Variants in LOXL1 observed in about 807,000 individuals in gnomAD.
LOXL1 encodes the protein lysyl oxidase homolog 1.
Under a neutral mutation model 62.2 loss-of-function variants are expected in LOXL1, and 31 were observed. The observed-to-expected ratio is 0.50, with a 90% CI of 0.37 to 0.67. LOXL1 has a LOEUF of 0.67. LOXL1 is among the 30% of genes least tolerant of loss of function. LOXL1 has a pLI of 0.00. For synonymous variants in LOXL1, 403 were observed against 384.4 expected (o/e 1.05, Z -0.56); for missense variants, 775 against 843.4 (o/e 0.92, Z 1.00).
intron 1 of LOXL1, among the ~76,000 whole-genome samples, chr15:73,932,916 C>T (rs2068645419): frequency 6.6e-6 from 1 of 152,174 alleles, no homozygotes; most frequent in Admixed American, 6.5e-5. Flanking sequence ...TCTGGGCCCT[C>T]CTCCTGCCTC....
At position 73,926,837 on chromosome 15, in the gene LOXL1, C is replaced by T; in HGVS notation, c.54C>T (p.Cys18=). ...TGGGGGCCCTGGTGTGGGGCGCCTGCCTGTGCGTGCTGGTGCACGGGCAGC... is the reference window on the plus strand; with the variant it reads ...TGGGGGCCCTGGTGTGGGGCGCCTGTCTGTGCGTGCTGGTGCACGGGCAGC... ...RQLGALVWGA[C]LCVLVHGQQA... is the part of the protein sequence containing the mutation. The change falls in exon 1 of 7, where the codon TGC becomes TGT. Residue 18 remains cysteine (C), a synonymous_variant. Transcript: ENST00000261921. The T allele has an allele frequency of 6.5e-7, 1 of 1,535,460 alleles. No individual in the cohort carries two copies. The highest frequency in any genetic ancestry group is 8.8e-7 in the Non-Finnish European group (1 of 1,139,578).
At chr15:73,934,799 A>T (rs12594472) in intron 1 of LOXL1, among the ~76,000 whole-genome samples, 12,852 of 152,218 alleles carry the variant, frequency 0.084, 1,008 homozygotes, top group East Asian at 0.24. Context: ...AAAAATAGAG[A>T]TAGGTAAGGA....
intron 1 of LOXL1, among the ~76,000 whole-genome samples, chr15:73,940,929 C>G (rs972468019): frequency 1.3e-5 from 2 of 152,194 alleles, no homozygotes; most frequent in African/African-American, 4.8e-5. Flanking sequence ...CTTTGTGGAG[C>G]CATCTGTGCA....
At chr15:73,932,122 G>A (rs982252547) in intron 1 of LOXL1, among the ~76,000 whole-genome samples, 1 of 152,196 alleles carries the variant, frequency 6.6e-6, no homozygotes, top group African/African-American at 2.4e-5. Context: ...TCAGCCTGCG[G>A]GCAGGGTGGG....
rs755701227 is a variant in LOXL1, at chr15:73,947,057, C to G, written c.1350-10C>G. On this transcript the variant is annotated splice_polypyrimidine_tract_variant and intron_variant, in intron 3 of 6. Coordinates refer to ENST00000261921, the MANE Select transcript of LOXL1 (RefSeq NM_005576.4). ...GCCCTCTTCTTTCTCCTTCTCTCCT[C>G]TGCCCCTAGGCATTACCACAGCATG... 1 of 1,587,290 alleles carries G rather than the reference C, an allele frequency of 6.3e-7. No individual in the cohort carries two copies.
At chr15:73,928,859 G>T in intron 1 of LOXL1, among the ~76,000 whole-genome samples, 2 of 136,580 alleles carry the variant, frequency 1.5e-5, no homozygotes, top group Non-Finnish European at 1.6e-5. Flanking sequence ...CTAAAATTTT[G>T]CACCCCGAGG....
At chr15:73,942,737 G>A (rs2068722933) in intron 1 of LOXL1, 117 bp from the exon 2 acceptor site, 1 of 721,314 alleles carries the variant, frequency 1.4e-6, no homozygotes, top group African/African-American at 1.7e-5. Flanking sequence ...AGGGTTTTGG[G>A]GTATGAGAGG....
rs1338790676 is a variant in LOXL1, at chr15:73,926,828, G to T, written c.45G>T (p.Trp15Cys). ...RGSRQLGALV[W>C]GACLCVLVHG... ...GCCGGCAGCTGGGGGCCCTGGTGTG[G>T]GGCGCCTGCCTGTGCGTGCTGGTGC... Residue 15 changes from tryptophan (W) to cysteine (C), a missense_variant, in exon 1 of 7, where the codon TGG becomes TGT. Coordinates refer to ENST00000261921, the MANE Select transcript of LOXL1 (RefSeq NM_005576.4). The T allele has an allele frequency of 1.3e-6, 2 of 1,523,670 alleles. No individual in the cohort carries two copies. The highest frequency in any genetic ancestry group is 1.8e-6 in the Non-Finnish European group (2 of 1,134,148). The allele number at this position is 1,523,670 out of a possible 1,614,324, so 94.4% of individuals were successfully genotyped here.
intron 4 of LOXL1, 65 bp downstream of exon 4, chr15:73,947,288 G>A (rs937705804): frequency 6.6e-7 from 1 of 1,512,768 alleles, no homozygotes; most frequent in Admixed American, 1.9e-5. Flanking sequence ...AAAGAGCGAG[G>A]CCCGCTGAGG....
In LOXL1 at chr15:73,927,304, C is replaced by T. The variant is rs1240233013; in HGVS notation, c.521C>T (p.Pro174Leu). The change falls in exon 1 of 7, where the codon CCG becomes CTG. Residue 174 changes from proline (P) to leucine (L), a missense_variant. By Grantham distance (98) the Pro-to-Leu change is moderately conservative (BLOSUM62 -3). Transcript: ENST00000261921. ...ACCTACCGCCAGCAGCCCTCCTACC[C>T]GCAGCAGTTCCCCTACCCGCAGGCG... ...ASTYRQQPSYPQQFPYPQAPF... is the reference protein window; with the variant it reads ...ASTYRQQPSYLQQFPYPQAPF... 1.9e-6 allele frequency: 3 copies of T among 1,603,588 alleles called. 1 individual carries two copies. The highest frequency in any genetic ancestry group is 2.2e-5 in the South Asian group (2 of 90,008).
At position 73,947,223 on chromosome 15, in the gene LOXL1, G is replaced by C; in HGVS notation, c.1506G>C (p.Gln502His). Residue 502 changes from glutamine to histidine, a missense_variant and splice_region_variant, in exon 4 of 7, where the codon CAG (glutamine) becomes CAC (histidine). Transcript: ENST00000261921. ...GCTATGCATGCACCTCTCATACCCA[G>C]GTTGGGCTGGAGAGATGGGGTTTGG... Reference protein sequence around the residue: ...LKRYACTSHTQGLSPGCYDTY... With the variant: ...LKRYACTSHTHGLSPGCYDTY... The C allele has an allele frequency of 6.3e-7, 1 of 1,595,948 alleles. No homozygotes were observed. Among genetic ancestry groups the C allele is most frequent in the Non-Finnish European group, 8.6e-7 (1 of 1,165,956 alleles).
intron 5 of LOXL1, among the ~76,000 whole-genome samples, chr15:73,948,766 T>C (rs2068764428): frequency 6.6e-6 from 1 of 152,098 alleles, no homozygotes; most frequent in Admixed American, 6.6e-5. Context: ...ATCCACTCAA[T>C]CAACATGTAG....
chr15:73,946,272 G>A, intron 2 of LOXL1, 145 bp from the exon 3 acceptor site: 1 of 621,330 alleles, frequency 1.6e-6, no homozygotes. Flanking sequence ...ACAGTTCGAG[G>A]AGACAGAGGA....
Position 73,946,473 on chromosome 15 carries a change from CCCAGCGCGTGAAGAA to C in LOXL1, c.1273_1287del (p.Arg425_Gln429del). ...GATGTGCGGGTGCTACTGCGCTTCCCCCAGCGCGTGAAGAACCAGGGCACAGCAGACTTCCTCCCC... is the reference window on the plus strand; with the variant it reads ...GATGTGCGGGTGCTACTGCGCTTCCCCCAGGGCACAGCAGACTTCCTCCCC... On this transcript the variant is annotated inframe_deletion, in exon 3 of 7. Transcript: ENST00000261921. 6.2e-7 allele frequency: 1 copy of C among 1,613,040 alleles called. No homozygotes were observed. Among genetic ancestry groups the C allele is most frequent in the Non-Finnish European group, 8.5e-7 (1 of 1,179,686 alleles).
chr15:73,947,613 T>G, intron 4 of LOXL1, 194 bp from the exon 5 acceptor site: 1 of 527,158 alleles, frequency 1.9e-6, no homozygotes, highest in Admixed American at 3.5e-5. Flanking sequence ...CACCTGGCTA[T>G]TAGATATCTG....
chr15:73,934,969 G>T (rs917976918), intron 1 of LOXL1, among the ~76,000 whole-genome samples: 3 of 152,206 alleles, frequency 2.0e-5, no homozygotes, highest in African/African-American at 7.2e-5. Context: ...TGAGGCAGGA[G>T]TTCCCTGGGG....
intron 4 of LOXL1, chr15:73,947,574 A>C: frequency 1.9e-6 from 1 of 514,368 alleles, no homozygotes; most frequent in Non-Finnish European, 3.4e-6. Flanking sequence ...GTCTCTTTTT[A>C]TCCATTCTGC....
At chr15:73,951,458 G>A (rs1010298370) in intron 6 of LOXL1, among the ~76,000 whole-genome samples, 1 of 152,118 alleles carries the variant, frequency 6.6e-6, no homozygotes, top group African/African-American at 2.4e-5. Context: ...GAAAGGCCAC[G>A]GGACTGACGC....
intron 6 of LOXL1, among the ~76,000 whole-genome samples, chr15:73,951,603 G>C (rs1022819687): frequency 3.3e-5 from 5 of 152,210 alleles, no homozygotes; most frequent in African/African-American, 7.2e-5. Flanking sequence ...TGGGACTAGG[G>C]CATGGGGAGG....
Sources: allele counts gnomAD v4.1 joint callset (sites outside exome capture counted in the v4.1 genomes callset), GRCh38; gene constraint gnomAD v4.1.1; transcripts MANE v1.5; gene names NCBI Gene and HGNC (gene_info 2026-07-23, HGNC 2026-07-21).